HIP1R: variants seen among roughly 807,000 people sequenced by gnomAD.
HIP1R encodes huntingtin interacting protein 1 related, also known as huntingtin-interacting protein 1-related protein.
A neutral mutation model predicts 144.2 loss-of-function variants in HIP1R; 135 were observed. The ratio of observed to expected loss-of-function variants is 0.94; its 90% CI spans 0.81 to 1.08. The LOEUF (loss-of-function observed/expected upper bound fraction) is 1.08. HIP1R is among the 50% of genes least tolerant of loss of function. HIP1R has a pLI of 0.00. For synonymous variants in HIP1R, 698 were observed against 612.8 expected (o/e 1.14, Z -2.05); for missense variants, 1,462 against 1,432.8 (o/e 1.02, Z -0.33).
chr12:122,849,842 C>T (rs1446298488), intron 4 of HIP1R, 33 bp from the exon 5 acceptor site: 4 of 1,537,734 alleles, frequency 2.6e-6, no homozygotes, highest in Non-Finnish European at 9.0e-7. Flanking sequence ...TGTTCACGAG[C>T]CGTGGCCCCT....
In HIP1R at chr12:122,856,519, G is replaced by A. The variant is rs768166266; in HGVS notation, c.1489G>A (p.Glu497Lys). Residue 497 changes from glutamate to lysine, a missense_variant, in exon 16 of 32, where the codon GAG becomes AAG. By Grantham distance (56) the Glu-to-Lys change is moderately conservative. Around this residue, in one of 2 missense-constraint regions of HIP1R, gnomAD observed 1,112 missense variants for 1,011.7 expected, o/e 1.10. Coordinates refer to ENST00000253083, the MANE Select transcript of HIP1R (RefSeq NM_003959.3). Reference protein sequence around the residue: ...RVKEQLAFQVEQVKRESELKL... With the variant: ...RVKEQLAFQVKQVKRESELKL... ...GAAGGAGCAGCTGGCCTTCCAGGTG[G>A]AGCAGGTGAAGCGGGAGTCGGAGTT... 2 of 1,598,794 alleles carry A rather than the reference G, an allele frequency of 1.3e-6. No homozygotes were observed. Among genetic ancestry groups the A allele is most frequent in the Non-Finnish European group, 1.7e-6 (2 of 1,172,368 alleles).
chr12:122,858,740 TTCCTCC>T (rs932763382), intron 20 of HIP1R, 92 bp from the exon 21 acceptor site: 2 of 880,582 alleles, frequency 2.3e-6, no homozygotes, highest in African/African-American at 1.6e-5. Context: ...TCCTTTCCTC[TTCCTCC>T]TCCTCCTGGG....
intron 1 of HIP1R, among the ~76,000 whole-genome samples, chr12:122,838,722 G>A (rs1031308593): frequency 3.1e-4 from 47 of 152,328 alleles, no homozygotes; most frequent in Admixed American, 2.7e-3. Flanking sequence ...GAGATGGGGC[G>A]ATTCTCCTGG....
chr12:122,845,032 A>C (rs2033168864), intron 1 of HIP1R, among the ~76,000 whole-genome samples: 1 of 152,230 alleles, frequency 6.6e-6, no homozygotes, highest in Admixed American at 6.5e-5. Context: ...TGAGAACCTC[A>C]GGACCCAGAA....
rs769385825 is a variant in HIP1R, at chr12:122,858,282, T to C, written c.1963+33T>C. On this transcript the variant is annotated intron_variant, in intron 19 of 31. Coordinates refer to ENST00000253083, the MANE Select transcript of HIP1R (RefSeq NM_003959.3). ...GTGGGGCCACACTCAGCCGCTCCCCTGCCTCCTTCCCATCCCCAGCCCTGA... is the reference window on the plus strand; with the variant it reads ...GTGGGGCCACACTCAGCCGCTCCCCCGCCTCCTTCCCATCCCCAGCCCTGA... The C allele has an allele frequency of 3.2e-6, 5 of 1,578,884 alleles. No individual in the cohort carries two copies. The Admixed American group carries it at 6.9e-5, about 22-fold the overall frequency.
At position 122,860,085 on chromosome 12, in the gene HIP1R, G is replaced by T. The variant is rs2033722617; in HGVS notation, c.2496+8G>T. 1.3e-6 allele frequency: 2 copies of T among 1,577,324 alleles called. No individual in the cohort carries two copies. Among genetic ancestry groups the T allele is most frequent in the East Asian group, 4.5e-5 (2 of 44,558 alleles). ...TGCACAGACCTGATGAAGGTGAGGG[G>T]CTGTGACCCGGGGGGGTCTGCACCT... On this transcript the variant is annotated splice_region_variant and intron_variant, in intron 25 of 31. Transcript: ENST00000253083.
In HIP1R at chr12:122,856,272, G is replaced by T. The variant is rs376281093; in HGVS notation, c.1329G>T (p.Thr443=). ...REEAERKASA[T]EARYNKLKEK... ...CGCCCCCAGGGAAGGCCAGTGCCACGGAGGCGCGCTACAACAAGCTGAAGG... is the reference window on the plus strand; with the variant it reads ...CGCCCCCAGGGAAGGCCAGTGCCACTGAGGCGCGCTACAACAAGCTGAAGG... Residue 443 remains threonine (T), a synonymous_variant, in exon 15 of 32, where the codon ACG becomes ACT. Transcript: ENST00000253083. 16 of 1,613,784 alleles carry T rather than the reference G, an allele frequency of 9.9e-6. No homozygotes were observed. The highest frequency in any genetic ancestry group is 1.3e-5 in the African/African-American group (1 of 75,016).
In HIP1R at chr12:122,840,030, C is replaced by T. The variant is rs942005035; in HGVS notation, c.93+4387C>T. Among the ~76,000 whole-genome samples, 1 of 152,274 alleles carries T rather than the reference C, an allele frequency of 6.6e-6. No individual in the cohort carries two copies. The highest frequency in any genetic ancestry group is 2.4e-5 in the African/African-American group (1 of 41,480). ...GGGCGTTGAGCTCGTTGTTCCTGGG[C>T]ATGCGCACTGCTGTCTCGCCCCGTG... On this transcript the variant is annotated intron_variant, in intron 1 of 31. Coordinates refer to ENST00000253083, the MANE Select transcript of HIP1R (RefSeq NM_003959.3). This position sits in a 1 kb window ranked among gnomAD's most constrained non-coding sequence, Gnocchi z 4.2.
chr12:122,855,903 G>C lies in HIP1R; in HGVS notation c.1128G>C (p.Glu376Asp), dbSNP rs1206822756. 6.9e-7 allele frequency: 1 copy of C among 1,459,330 alleles called. No individual in the cohort carries two copies. The highest frequency in any genetic ancestry group is 9.1e-7 in the Non-Finnish European group (1 of 1,101,486). The allele number at this position is 1,459,330 out of a possible 1,614,324, so 90.4% of individuals were successfully genotyped here. ...CTGAACTGGAGAAGATCAAGCTGGA[G>C]GTGCGGGGTGGGGATGGGTGGGGGC... ...LRSELEKIKL[E>D]AQRYIAQLKS... Residue 376 changes from glutamate to aspartate, a missense_variant and splice_region_variant, in exon 13 of 32, where the codon GAG (glutamate) becomes GAC (aspartate). Around this residue, in one of 2 missense-constraint regions of HIP1R, gnomAD observed 1,112 missense variants for 1,011.7 expected, o/e 1.10. Coordinates refer to ENST00000253083, the MANE Select transcript of HIP1R (RefSeq NM_003959.3).
At chr12:122,841,474 C>T (rs1228934892) in intron 1 of HIP1R, among the ~76,000 whole-genome samples, 1 of 152,244 alleles carries the variant, frequency 6.6e-6, no homozygotes, top group East Asian at 1.9e-4. Context: ...TGAGTGGATG[C>T]TCAGGGGCCA....
Position 122,861,419 on chromosome 12 carries a change from G to A in HIP1R, c.3064G>A (p.Val1022Met), listed in dbSNP as rs374500136. Residue 1022 changes from valine (V) to methionine (M), a missense_variant, in exon 31 of 32, where the codon GTG (valine) becomes ATG (methionine). Physicochemically the swap from Val to Met is conservative, Grantham distance 21. Transcript: ENST00000253083. The stretch of plus-strand genomic sequence containing the variant: ...GGCATCAGGCAGCCCTGGAGAGGAG[G>A]TGGCCATCCGGCCCAGCACTGCCCC... ...AGASGSPGEE[V>M]AIRPSTAPRS... is the part of the protein sequence containing the mutation. 2.5e-6 allele frequency: 4 copies of A among 1,613,502 alleles called. No individual in the cohort carries two copies. Among genetic ancestry groups the A allele is most frequent in the Non-Finnish European group, 3.4e-6 (4 of 1,179,882 alleles).
Position 122,858,093 on chromosome 12 carries a change from C to G in HIP1R, c.1816-9C>G. On this transcript the variant is annotated splice_polypyrimidine_tract_variant and intron_variant, in intron 18 of 31. Transcript: ENST00000253083. ...ATCTCTAACCTGTCCTCTTCACCCC[C>G]ATTGCCAGGAGTCTCAGGAGCAGGG... The G allele has an allele frequency of 1.3e-6, 2 of 1,568,798 alleles. No individual in the cohort carries two copies. The highest frequency in any genetic ancestry group is 4.5e-5 in the East Asian group (2 of 44,238).
chr12:122,857,318 G>A (rs2033619843), intron 18 of HIP1R, 103 bp downstream of exon 18: 2 of 1,089,248 alleles, frequency 1.8e-6, no homozygotes, highest in Admixed American at 4.0e-5. Flanking sequence ...CATGTAAAGG[G>A]GATCATACAC....
In HIP1R at chr12:122,856,532, G is replaced by A. The variant is rs199708711; in HGVS notation, c.1502G>A (p.Arg501Gln). Reference sequence around the variant, plus strand: ...GCCTTCCAGGTGGAGCAGGTGAAGCGGGAGTCGGAGTTGAAGGTATGTCCC... The same window carrying A: ...GCCTTCCAGGTGGAGCAGGTGAAGCAGGAGTCGGAGTTGAAGGTATGTCCC... ...QLAFQVEQVK[R>Q]ESELKLEEKS... Residue 501 changes from arginine to glutamine, a missense_variant, in exon 16 of 32, where the codon CGG becomes CAG. Coordinates refer to ENST00000253083, the MANE Select transcript of HIP1R (RefSeq NM_003959.3). 5 of 1,599,626 alleles carry A rather than the reference G, an allele frequency of 3.1e-6. No individual in the cohort carries two copies. The highest frequency in any genetic ancestry group is 2.7e-5 in the African/African-American group (2 of 74,910).
At chr12:122,848,396 C>G in intron 2 of HIP1R, 70 bp from the exon 3 acceptor site, 1 of 1,543,774 alleles carries the variant, frequency 6.5e-7, no homozygotes, top group Non-Finnish European at 8.8e-7. Flanking sequence ...CGGCCCTGGC[C>G]TCTCTCAGCC....
chr12:122,849,398 C>G (rs551700613), intron 4 of HIP1R, among the ~76,000 whole-genome samples: 1 of 152,222 alleles, frequency 6.6e-6, no homozygotes. Flanking sequence ...GGCCCTGGAC[C>G]GGGTACCCAC....
At chr12:122,853,059 G>T (rs1395483961) in intron 7 of HIP1R, among the ~76,000 whole-genome samples, 2 of 152,168 alleles carry the variant, frequency 1.3e-5, no homozygotes, top group Non-Finnish European at 2.9e-5. Context: ...CAGGGCACAG[G>T]TCTGTGCAGC....
chr12:122,844,105 C>T (rs1350828541), intron 1 of HIP1R, among the ~76,000 whole-genome samples: 1 of 152,102 alleles, frequency 6.6e-6, no homozygotes, highest in Non-Finnish European at 1.5e-5. Context: ...TCCCAAAGTG[C>T]TGGGATTACA....
rs1566114714 is a variant in HIP1R, at chr12:122,859,482, C to T, written c.2352C>T (p.Asp784=). The change falls in exon 23 of 32, where the codon GAC becomes GAT. Residue 784 remains aspartate, a synonymous_variant. Coordinates refer to ENST00000253083, the MANE Select transcript of HIP1R (RefSeq NM_003959.3). Reference sequence around the variant, plus strand: ...AGGAGGAGCTGGGGGCCGTGGTCGACAAGGAGATGGCGGCCACATCCGCAG... The same window carrying T: ...AGGAGGAGCTGGGGGCCGTGGTCGATAAGGAGATGGCGGCCACATCCGCAG... The part of the protein sequence containing the change: ...VRQEELGAVV[D]KEMAATSAAI... 1.2e-6 allele frequency: 2 copies of T among 1,613,486 alleles called. No homozygotes were observed. Among genetic ancestry groups the T allele is most frequent in the Non-Finnish European group, 1.7e-6 (2 of 1,179,968 alleles).
Sources: gnomAD v4.1 joint callset for allele counts (sites outside exome capture counted in the v4.1 genomes callset) on GRCh38, gnomAD v4.1.1 for gene constraint, gnomAD v4.1.1 regional missense constraint, Gnocchi (gnomAD v3.1) non-coding constraint, MANE v1.5 for transcripts, NCBI Gene and HGNC (gene_info 2026-07-23, HGNC 2026-07-21) for gene names.